Variants in DCUN1D4 observed in about 807,000 individuals in gnomAD.
The protein encoded by DCUN1D4 is DCN1-like protein 4.
A neutral mutation model predicts 47.9 loss-of-function variants in DCUN1D4; 22 were observed. The observed-to-expected ratio is 0.46, with a 90% CI of 0.33 to 0.66. The LOEUF is 0.66. Among genes scored for constraint, DCUN1D4 ranks in the 30% least tolerant of loss-of-function variants. DCUN1D4 has a pLI of 0.02. For synonymous variants in DCUN1D4, 121 were observed against 112.2 expected (o/e 1.08, Z -0.50); for missense variants, 301 against 340.8 (o/e 0.88, Z 0.92).
chr4:51,897,238 A>G (rs537990197), intron 7 of DCUN1D4, among the ~76,000 whole-genome samples: 23 of 152,350 alleles, frequency 1.5e-4, no homozygotes, highest in Admixed American at 2.6e-4. Flanking sequence ...GTTCTGTTTC[A>G]TAGAAATTAA....
Position 51,863,698 on chromosome 4 carries a change from A to T in DCUN1D4, c.125A>T (p.Asp42Val), listed in dbSNP as rs940028894. The T allele has an allele frequency of 6.2e-7, 1 of 1,613,250 alleles. No individual in the cohort carries two copies. Among genetic ancestry groups the T allele is most frequent in the Non-Finnish European group, 8.5e-7 (1 of 1,179,780 alleles). The change falls in exon 3 of 11, where the codon GAT becomes GTT. Residue 42 changes from aspartate (D) to valine (V), a missense_variant. Physicochemically the swap from Asp to Val is radical, Grantham distance 152. This residue lies in a region of DCUN1D4 where 131 missense variants were observed against 106.3 expected (regional missense o/e 1.23). Transcript: ENST00000334635. ...CTAACAGAAGACATTGGCCAAGACG[A>T]TCACCAAACAGGTATCTGTAAATGC... ...LNLTEDIGQD[D>V]HQTGSLRSCS...
intron 8 of DCUN1D4, 42 bp from the exon 9 acceptor site, chr4:51,911,028 T>C: frequency 3.8e-6 from 6 of 1,567,364 alleles, no homozygotes; most frequent in African/African-American, 1.4e-5. Context: ...AATTTATTAT[T>C]TGGGGGCATC....
intron 9 of DCUN1D4, among the ~76,000 whole-genome samples, chr4:51,912,600 T>C (rs1172647851): frequency 6.6e-6 from 1 of 152,238 alleles, no homozygotes; most frequent in African/African-American, 2.4e-5. Flanking sequence ...TGAATCTTCA[T>C]ACAGGGATAC....
At chr4:51,869,929 G>C (rs1726610340) in intron 3 of DCUN1D4, among the ~76,000 whole-genome samples, 1 of 152,086 alleles carries the variant, frequency 6.6e-6, no homozygotes, top group African/African-American at 2.4e-5. Flanking sequence ...AAATGAATCT[G>C]AACTTAAATA....
chr4:51,877,852 C>A lies in DCUN1D4; in HGVS notation c.341C>A (p.Ala114Glu). Residue 114 changes from alanine (A) to glutamate (E), a missense_variant and splice_region_variant, in exon 5 of 11, where the codon GCA (alanine) becomes GAA (glutamate). By Grantham distance (107) the Ala-to-Glu change is moderately radical. Around this residue, in one of 2 missense-constraint regions of DCUN1D4, gnomAD observed 170 missense variants for 234.5 expected, o/e 0.73. Transcript: ENST00000334635. ...KRCLEWFYEY[A>E]GTDDVVGPEG... ...TGCTTGGAATGGTTCTATGAATATG[C>A]AGGTAGGTATTCATTTGTATCATCT... 6.3e-7 allele frequency: 1 copy of A among 1,592,916 alleles called. No individual in the cohort carries two copies. Among genetic ancestry groups the A allele is most frequent in the Non-Finnish European group, 8.6e-7 (1 of 1,162,564 alleles).
intron 1 of DCUN1D4, among the ~76,000 whole-genome samples, chr4:51,858,219 CTAAT>C (rs1032506394): frequency 3.3e-5 from 5 of 152,050 alleles, no homozygotes; most frequent in South Asian, 2.1e-4. Flanking sequence ...TCAAATCAGA[CTAAT>C]TAACATATCC....
intron 1 of DCUN1D4, among the ~76,000 whole-genome samples, chr4:51,853,268 T>C (rs888117217): frequency 1.3e-5 from 2 of 152,256 alleles, no homozygotes; most frequent in Non-Finnish European, 2.9e-5. Flanking sequence ...GCTTTAACTT[T>C]GGATCTGTGT....
At chr4:51,834,104 T>TTTTTTC in the DCUN1D4 span, among the ~76,000 whole-genome samples, 1 of 115,428 alleles carries the variant, frequency 8.7e-6, no homozygotes, top group African/African-American at 4.2e-5. Flanking sequence ...TTCTTCTTTC[T>TTTTTTC]TTTTTTTTTC....
At chr4:51,907,387 T>A (rs375610636) in intron 8 of DCUN1D4, among the ~76,000 whole-genome samples, 2 of 152,236 alleles carry the variant, frequency 1.3e-5, no homozygotes, top group African/African-American at 4.8e-5. Flanking sequence ...ATTTCAGATA[T>A]GAGCTTTTTA....
intron 4 of DCUN1D4, chr4:51,877,526 T>C: frequency 3.2e-6 from 1 of 315,366 alleles, no homozygotes; most frequent in South Asian, 5.0e-5. Flanking sequence ...TTACTGATTA[T>C]TTGTTAATCA....
chr4:51,873,760 T>C (rs1004877486), intron 3 of DCUN1D4, among the ~76,000 whole-genome samples: 27 of 152,228 alleles, frequency 1.8e-4, no homozygotes, highest in African/African-American at 6.5e-4. Flanking sequence ...TTGTGGACAT[T>C]TTGCTCAAGG....
rs774609285 is a variant in DCUN1D4, at chr4:51,914,588, G to C, written c.*1004G>C. The C allele has an allele frequency of 2.7e-4, 41 of 152,530 alleles. No individual in the cohort carries two copies. Among genetic ancestry groups the C allele is most frequent in the Non-Finnish European group, 5.1e-4 (35 of 67,998 alleles). 9.4% of individuals were successfully genotyped at this position (152,530 alleles called of 1,614,324 possible). A position where few individuals can be genotyped will look rare whatever the true frequency, so the allele number is the denominator to read the frequency against. On this transcript the variant is annotated 3_prime_UTR_variant, in exon 11 of 11. Transcript: ENST00000334635. ...AACAAGCATACTATAAGTGAGAGCT[G>C]TTTTGTTTTCCTTGTTTGTTTGTTT...
chr4:51,871,238 G>T (rs1726848082), intron 3 of DCUN1D4, among the ~76,000 whole-genome samples: 1 of 151,604 alleles, frequency 6.6e-6, no homozygotes, highest in Non-Finnish European at 1.5e-5. Context: ...CTTTTCCACA[G>T]ACACAAGAAA....
chr4:51,854,391 A>C (rs1029494653), intron 1 of DCUN1D4, among the ~76,000 whole-genome samples: 1 of 152,290 alleles, frequency 6.6e-6, no homozygotes, highest in Middle Eastern at 3.4e-3. Flanking sequence ...TTAAAAACAT[A>C]TGTACTATGA....
intron 9 of DCUN1D4, among the ~76,000 whole-genome samples, chr4:51,912,154 G>T (rs948109161): frequency 6.6e-6 from 1 of 152,144 alleles, no homozygotes; most frequent in Non-Finnish European, 1.5e-5. Context: ...TTGACATATG[G>T]TCTGTTCTAA....
intron 5 of DCUN1D4, among the ~76,000 whole-genome samples, chr4:51,878,921 T>C (rs896335534): frequency 7.2e-5 from 11 of 152,222 alleles, no homozygotes; most frequent in African/African-American, 2.7e-4. Context: ...CTTTTTGTGA[T>C]AAGAGCCTTG....
At chr4:51,887,485 C>A (rs1729694320) in intron 6 of DCUN1D4, among the ~76,000 whole-genome samples, 1 of 152,164 alleles carries the variant, frequency 6.6e-6, no homozygotes, top group Admixed American at 6.5e-5. Flanking sequence ...TTGCCTAATT[C>A]TTAGCATGTT....
chr4:51,907,293 T>G (rs895675974), intron 8 of DCUN1D4, among the ~76,000 whole-genome samples: 1 of 152,248 alleles, frequency 6.6e-6, no homozygotes, highest in Admixed American at 6.5e-5. Context: ...TAAACTAATG[T>G]TAGCTAAGTT....
In DCUN1D4 at chr4:51,891,780, T is replaced by C. The variant is rs1577998318; in HGVS notation, c.435T>C (p.Ala145=). 3.7e-6 allele frequency: 6 copies of C among 1,613,054 alleles called. No homozygotes were observed. The East Asian group carries it at 1.3e-4, about 36-fold the overall frequency. The change falls in exon 7 of 11, where the codon GCT becomes GCC. Residue 145 remains alanine, a synonymous_variant. Transcript: ENST00000334635. ...EPENVVMLVL[A]WKLDAQNMGY... is the part of the protein sequence containing the mutation. ...AACAGGTAGTTATGCTTGTCCTAGC[T>C]TGGAAATTGGATGCACAAAACATGG...
Sources: gnomAD v4.1 joint callset for allele counts (sites outside exome capture counted in the v4.1 genomes callset) on GRCh38, gnomAD v4.1.1 for gene constraint, gnomAD v4.1.1 regional missense constraint, MANE v1.5 for transcripts, NCBI Gene and HGNC (gene_info 2026-07-23, HGNC 2026-07-21) for gene names.